The following ICE1 variants were observed in gnomAD, a reference collection of about 807,000 sequenced individuals.
The protein encoded by ICE1 is interactor of little elongation complex ELL subunit 1, also known as little elongation complex subunit 1.
Under a neutral mutation model 192.7 loss-of-function variants are expected in ICE1, and 64 were observed. That is an observed-to-expected ratio of 0.33 (90% CI 0.27 to 0.41). The LOEUF (loss-of-function observed/expected upper bound fraction) is 0.41, where lower values mean the gene tolerates loss of function less well. ICE1 is among the 10% of genes least tolerant of loss of function. The pLI is 1.00. For missense variants in ICE1, 2,708 were observed against 2,696.0 expected, an observed-to-expected ratio of 1.00 and a Z score of -0.10; for synonymous variants, 1,010 against 984.5, an observed-to-expected ratio of 1.03 and a Z score of -0.49.
intron 1 of ICE1, among the ~76,000 whole-genome samples, chr5:5,427,924 G>A (rs1737573164): frequency 1.3e-5 from 2 of 152,120 alleles, no homozygotes; most frequent in Non-Finnish European, 2.9e-5. Flanking sequence ...GGAGCATGTA[G>A]GAGGGACAGT....
chr5:5,427,346 T>C (rs1737555872), intron 1 of ICE1, among the ~76,000 whole-genome samples: 1 of 152,196 alleles, frequency 6.6e-6, no homozygotes, highest in African/African-American at 2.4e-5. Flanking sequence ...TATTATGTAT[T>C]ATGTATGGTT....
At chr5:5,472,061 C>T (rs920945337) in intron 15 of ICE1, among the ~76,000 whole-genome samples, 6 of 152,076 alleles carry the variant, frequency 3.9e-5, no homozygotes, top group African/African-American at 1.4e-4. Context: ...TTTACTTTGG[C>T]CATTGATGAA....
chr5:5,486,098 G>A lies in ICE1; in HGVS notation c.6521-623G>A, dbSNP rs139679844. ...TGTATGGGGGAGTGCTTCCTGTGCC[G>A]TCTACAGCATGTTACAGAGTTCTGT... On this transcript the variant is annotated intron_variant, in intron 17 of 18. Transcript: ENST00000296564. Among the ~76,000 whole-genome samples the A allele has an allele frequency of 1.5e-3, 227 of 152,252 alleles. 1 individual carries two copies. Among genetic ancestry groups the A allele is most frequent in the African/African-American group, 4.1e-3 (169 of 41,534 alleles).
intron 1 of ICE1, among the ~76,000 whole-genome samples, chr5:5,425,417 C>T (rs1418349388): frequency 6.6e-6 from 1 of 152,210 alleles, no homozygotes; most frequent in African/African-American, 2.4e-5. Context: ...AGACAATTCA[C>T]AAAGAAATGA....
At chr5:5,437,510 T>C (rs1274710716) in intron 3 of ICE1, 1 of 169,288 alleles carries the variant, frequency 5.9e-6, no homozygotes, top group Non-Finnish European at 1.3e-5. Flanking sequence ...TGTTGGGCAA[T>C]TGACTTTCAT....
intron 1 of ICE1, among the ~76,000 whole-genome samples, chr5:5,426,050 C>G (rs1038519141): frequency 6.6e-6 from 1 of 152,158 alleles, no homozygotes; most frequent in African/African-American, 2.4e-5. Context: ...GAGTGTTCAG[C>G]CATTTTCAGA....
intron 17 of ICE1, 127 bp downstream of exon 17, chr5:5,476,206 T>C: frequency 1.9e-6 from 1 of 532,632 alleles, no homozygotes; most frequent in Non-Finnish European, 3.2e-6. Flanking sequence ...TCAGAGTAGA[T>C]ACTTTTGTAC....
At chr5:5,457,788 T>A in intron 12 of ICE1, 47 bp downstream of exon 12, 1 of 1,494,136 alleles carries the variant, frequency 6.7e-7, no homozygotes, top group Non-Finnish European at 9.2e-7. Flanking sequence ...GTACATTGTC[T>A]ATCCTAATAT....
intron 10 of ICE1, among the ~76,000 whole-genome samples, chr5:5,453,950 GC>G (rs1226082284): frequency 6.6e-6 from 1 of 152,104 alleles, no homozygotes; most frequent in Non-Finnish European, 1.5e-5. Flanking sequence ...TTCTCTGTCT[GC>G]TCGTGTGTGT....
chr5:5,426,498 A>T (rs1322642194), intron 1 of ICE1, among the ~76,000 whole-genome samples: 1 of 151,980 alleles, frequency 6.6e-6, no homozygotes, highest in East Asian at 1.9e-4. Flanking sequence ...TGAGGATAGG[A>T]AAATGGGGCA....
At chr5:5,456,942 A>G (rs1420058319) in intron 11 of ICE1, among the ~76,000 whole-genome samples, 2 of 152,118 alleles carry the variant, frequency 1.3e-5, no homozygotes, top group Non-Finnish European at 2.9e-5. Context: ...TGGACAGAAA[A>G]TAGTGTTCTG....
intron 1 of ICE1, among the ~76,000 whole-genome samples, chr5:5,425,427 A>C (rs897798469): frequency 6.6e-6 from 1 of 152,238 alleles, no homozygotes; most frequent in Non-Finnish European, 1.5e-5. Context: ...CAAAGAAATG[A>C]GTATGCCTGT....
intron 17 of ICE1, among the ~76,000 whole-genome samples, chr5:5,479,035 T>C (rs185244667): frequency 6.6e-6 from 1 of 152,176 alleles, no homozygotes; most frequent in Non-Finnish European, 1.5e-5. Flanking sequence ...GACATAGGCA[T>C]GGGCAAAGAC....
Position 5,473,672 on chromosome 5 carries a change from A to G in ICE1, c.6337A>G (p.Thr2113Ala). The G allele has an allele frequency of 3.7e-6, 6 of 1,613,552 alleles. No individual in the cohort carries two copies. The highest frequency in any genetic ancestry group is 5.1e-6 in the Non-Finnish European group (6 of 1,179,752). ...EKFGEDLSDNTWEYIFAIDLL... is the reference protein window; with the variant it reads ...EKFGEDLSDNAWEYIFAIDLL... ...ATTTGGTGAAGACCTAAGTGATAAC[A>G]CTTGGGAATACATATTTGCCATTGA... Residue 2113 changes from threonine (T) to alanine (A), a missense_variant, in exon 16 of 19, where the codon ACT becomes GCT. Thr to Ala is a moderately conservative substitution (Grantham distance 58). Coordinates refer to ENST00000296564, the MANE Select transcript of ICE1 (RefSeq NM_015325.3).
chr5:5,431,645 C>T (rs190810751), intron 1 of ICE1, among the ~76,000 whole-genome samples: 165 of 152,242 alleles, frequency 1.1e-3, no homozygotes, highest in Non-Finnish European at 1.6e-3. Flanking sequence ...ATTCTATCCC[C>T]GATTCTTTGT....
Position 5,461,013 on chromosome 5 carries a change from A to C in ICE1, c.1679A>C (p.Lys560Thr), listed in dbSNP as rs756359326. 3 of 1,614,062 alleles carry C rather than the reference A, an allele frequency of 1.9e-6. No individual in the cohort carries two copies. The East Asian group carries it at 6.7e-5, about 36-fold the overall frequency. The change falls in exon 13 of 19, where the codon AAA becomes ACA. Residue 560 changes from lysine (K) to threonine (T), a missense_variant. Around this residue, in one of 2 missense-constraint regions of ICE1, gnomAD observed 2,366 missense variants for 2,276.6 expected, o/e 1.04. Coordinates refer to ENST00000296564, the MANE Select transcript of ICE1 (RefSeq NM_015325.3). Reference sequence around the variant, plus strand: ...TTGTCTAAAATGATGGGATCGCCCAAATCAGAGTTTACTAAGTGGACACGA... The same window carrying C: ...TTGTCTAAAATGATGGGATCGCCCACATCAGAGTTTACTAAGTGGACACGA... ...TVLSKMMGSPKSEFTKWTRIN... is the reference protein window; with the variant it reads ...TVLSKMMGSPTSEFTKWTRIN...
chr5:5,460,378 G>T, intron 12 of ICE1, 58 bp from the exon 13 acceptor site: 1 of 1,034,302 alleles, frequency 9.7e-7, no homozygotes, highest in Admixed American at 2.8e-5. Context: ...GCATTTAATT[G>T]ATAGTCATGT....
chr5:5,444,439 C>A, intron 7 of ICE1, 113 bp downstream of exon 7: 1 of 725,218 alleles, frequency 1.4e-6, no homozygotes, highest in Non-Finnish European at 2.3e-6. Flanking sequence ...TTTGATGGTA[C>A]ATCCATGGAT....
rs552431034 is a variant in ICE1 at position 5,460,855 on chromosome 5, T to C, written c.1521T>C (p.Gly507=). The part of the protein sequence containing the change: ...TEKTIHKLTR[G]LCIERLSASP... ...AGACCATTCATAAACTCACTCGAGGTCTATGCATTGAGAGATTGTCTGCCA... is the reference window on the plus strand; with the variant it reads ...AGACCATTCATAAACTCACTCGAGGCCTATGCATTGAGAGATTGTCTGCCA... Residue 507 remains glycine, a synonymous_variant, in exon 13 of 19, where the codon GGT becomes GGC. Transcript: ENST00000296564. 122 of 1,613,948 alleles carry C rather than the reference T, an allele frequency of 7.6e-5. 1 individual carries two copies. The East Asian group carries it at 2.5e-3, about 33-fold the overall frequency.
Sources: allele counts gnomAD v4.1 joint callset (sites outside exome capture counted in the v4.1 genomes callset), GRCh38; gene constraint gnomAD v4.1.1; regional missense constraint gnomAD v4.1.1; transcripts MANE v1.5; gene names NCBI Gene and HGNC (gene_info 2026-07-23, HGNC 2026-07-21).